DGKB: variants seen among roughly 807,000 people sequenced by gnomAD.
DGKB encodes the protein 90 kDa diacylglycerol kinase.
In DGKB, 67 loss-of-function variants were observed where a neutral mutation model predicts 114.3. The ratio of observed to expected loss-of-function variants is 0.59; its 90% CI spans 0.48 to 0.72. The LOEUF (loss-of-function observed/expected upper bound fraction) is 0.72. DGKB is among the 30% of genes least tolerant of loss of function. The pLI is 0.00. For missense variants in DGKB, 907 were observed against 975.2 expected, an observed-to-expected ratio of 0.93 and a Z score of 0.93; for synonymous variants, 398 against 323.1, an observed-to-expected ratio of 1.23 and a Z score of -2.49.
intron 23 of DGKB, among the ~76,000 whole-genome samples, chr7:14,249,258 G>C (rs778407826): frequency 8.5e-5 from 13 of 152,056 alleles, no homozygotes; most frequent in East Asian, 1.9e-4. Flanking sequence ...GTATATTGTG[G>C]AGTTTTTGCA....
intron 1 of DGKB, among the ~76,000 whole-genome samples, chr7:14,883,982 T>G (rs184695760): frequency 6.6e-6 from 1 of 152,096 alleles, no homozygotes. Flanking sequence ...TTAATGTCAT[T>G]ATAGAAAACA....
At chr7:14,166,970 G>A (rs1285210469) in intron 25 of DGKB, among the ~76,000 whole-genome samples, 1 of 152,100 alleles carries the variant, frequency 6.6e-6, no homozygotes, top group African/African-American at 2.4e-5. Flanking sequence ...ACCACTTTGG[G>A]AGGCCAAGGC....
At chr7:14,274,406 A>C (rs1016959630) in intron 23 of DGKB, among the ~76,000 whole-genome samples, 7 of 152,130 alleles carry the variant, frequency 4.6e-5, no homozygotes, top group Admixed American at 3.3e-4. Context: ...TAAACTCTTC[A>C]ATGAATCCTA....
intron 20 of DGKB, among the ~76,000 whole-genome samples, chr7:14,505,367 T>C (rs532601656): frequency 3.3e-5 from 5 of 152,054 alleles, no homozygotes; most frequent in African/African-American, 1.2e-4. Context: ...GGCCAGAGAA[T>C]TGGTTGAGCC....
At chr7:14,953,169 T>G (rs1382894055) in intron 1 of DGKB, among the ~76,000 whole-genome samples, 1 of 152,170 alleles carries the variant, frequency 6.6e-6, no homozygotes, top group African/African-American at 2.4e-5. Flanking sequence ...TTAGATACTT[T>G]ACTAAAACAT....
intron 2 of DGKB, among the ~76,000 whole-genome samples, chr7:14,782,994 C>T (rs1261298737): frequency 6.6e-6 from 1 of 152,068 alleles, no homozygotes; most frequent in East Asian, 1.9e-4. Flanking sequence ...CTGTCTGGCT[C>T]ACATATCTGG....
Position 14,769,742 on chromosome 7 carries a change from C to T in DGKB, c.71-12011G>A, listed in dbSNP as rs182656882. Reference sequence around the variant, plus strand: ...TGAAGGCTCTCATAGGAATTAGTTTCACACCTCTCCTCTAGTTTCTGGTGG... The same window carrying T: ...TGAAGGCTCTCATAGGAATTAGTTTTACACCTCTCCTCTAGTTTCTGGTGG... On this transcript the variant is annotated intron_variant, in intron 2 of 25. Coordinates refer to ENST00000402815, the MANE Select transcript of DGKB (RefSeq NM_001350709.2). Among the ~76,000 whole-genome samples, 3 of 152,064 alleles carry T rather than the reference C, an allele frequency of 2.0e-5. No individual in the cohort carries two copies. The East Asian group carries it at 5.8e-4, about 30-fold the overall frequency.
intron 1 of DGKB, among the ~76,000 whole-genome samples, chr7:14,841,882 T>C (rs1847981911): frequency 6.6e-6 from 1 of 152,194 alleles, no homozygotes; most frequent in African/African-American, 2.4e-5. Flanking sequence ...TAATTTGTTC[T>C]AGCAATCAAA....
At chr7:14,580,390 A>G (rs552774706) in intron 19 of DGKB, among the ~76,000 whole-genome samples, 1 of 152,320 alleles carries the variant, frequency 6.6e-6, no homozygotes, top group South Asian at 2.1e-4. Context: ...TCAACTCTGT[A>G]TCCAAAGTGC....
chr7:14,151,936 A>G (rs987613561), intron 25 of DGKB, among the ~76,000 whole-genome samples: 2 of 152,000 alleles, frequency 1.3e-5, no homozygotes, highest in African/African-American at 4.8e-5. Flanking sequence ...AGCCACATGG[A>G]TTGTCGGTGT....
intron 1 of DGKB, among the ~76,000 whole-genome samples, chr7:14,851,833 A>C (rs892961090): frequency 6.6e-6 from 1 of 152,196 alleles, no homozygotes; most frequent in Non-Finnish European, 1.5e-5. Context: ...AACAGCCCAG[A>C]TGAAGTCACA....
intron 23 of DGKB, among the ~76,000 whole-genome samples, chr7:14,180,301 GC>G (rs1306530401): frequency 6.6e-6 from 1 of 152,114 alleles, no homozygotes; most frequent in Non-Finnish European, 1.5e-5. Context: ...TAATCTGTGA[GC>G]CCTAACTTTT....
intron 20 of DGKB, among the ~76,000 whole-genome samples, chr7:14,532,695 T>C (rs567982292): frequency 6.6e-6 from 1 of 151,660 alleles, no homozygotes; most frequent in African/African-American, 2.4e-5. Flanking sequence ...TATGCAGATG[T>C]ATAAATGCCA....
At chr7:14,351,592 TTA>T (rs1267512891) in intron 21 of DGKB, among the ~76,000 whole-genome samples, 3 of 152,204 alleles carry the variant, frequency 2.0e-5, no homozygotes, top group African/African-American at 7.2e-5. Flanking sequence ...AATCAGCAAT[TTA>T]TTTTTTTTTG....
intron 1 of DGKB, among the ~76,000 whole-genome samples, chr7:14,885,212 T>A (rs759161331): frequency 6.6e-6 from 1 of 151,918 alleles, no homozygotes; most frequent in Non-Finnish European, 1.5e-5. Context: ...ACTGAAGGGA[T>A]TGCTAACACT....
intron 23 of DGKB, among the ~76,000 whole-genome samples, chr7:14,189,910 A>G (rs1784055659): frequency 6.6e-6 from 1 of 152,206 alleles, no homozygotes; most frequent in African/African-American, 2.4e-5. Context: ...TATATAGAGC[A>G]ACCGTTATTA....
At position 14,698,062 on chromosome 7, in the gene DGKB, T is replaced by C. The variant is rs746372074; in HGVS notation, c.591+33A>G. The C allele has an allele frequency of 1.1e-5, 14 of 1,242,816 alleles. No homozygotes were observed. In the Admixed American group the frequency reaches 1.4e-4, roughly 13 times the overall value. 77.0% of individuals were successfully genotyped at this position (1,242,816 alleles called of 1,614,324 possible). ...AAAGAAAGAAAGAGGCCTTCCAGAA[T>C]TTAGCCAATAGTGAAATCATTCATA... On this transcript the variant is annotated intron_variant, in intron 8 of 25. Transcript: ENST00000402815.
chr7:14,164,720 A>C (rs1355283391), intron 25 of DGKB, among the ~76,000 whole-genome samples: 2 of 152,184 alleles, frequency 1.3e-5, no homozygotes, highest in African/African-American at 2.4e-5. Flanking sequence ...GATGTCAAAT[A>C]CTGTCCCACT....
intron 21 of DGKB, among the ~76,000 whole-genome samples, chr7:14,474,796 T>C (rs1029429179): frequency 1.3e-5 from 2 of 151,090 alleles, no homozygotes; most frequent in Non-Finnish European, 2.9e-5. Flanking sequence ...ATGTAATAAA[T>C]AGTTTAAAAT....
Sources: gnomAD v4.1 joint callset for allele counts (sites outside exome capture counted in the v4.1 genomes callset) on GRCh38, gnomAD v4.1.1 for gene constraint, MANE v1.5 for transcripts, NCBI Gene and HGNC (gene_info 2026-07-23, HGNC 2026-07-21) for gene names.